The following TICAM1 variants were observed in gnomAD, a reference collection of about 807,000 sequenced individuals.
The protein encoded by TICAM1 is TIR domain containing adaptor molecule 1.
For synonymous variants in TICAM1, 439 were observed against 415.4 expected (o/e 1.06, Z -0.69); for missense variants, 895 against 938.2 (o/e 0.95, Z 0.60).
At chr19:4,824,965 C>T (rs2146178227) in intron 1 of TICAM1, among the ~76,000 whole-genome samples, 1 of 151,158 alleles carries the variant, frequency 6.6e-6, no homozygotes. Context: ...ACAGAGCCTG[C>T]TTAAGGGTGG....
chr19:4,823,055 C>T (rs1273084872), intron 1 of TICAM1, among the ~76,000 whole-genome samples: 1 of 152,206 alleles, frequency 6.6e-6, no homozygotes, highest in African/African-American at 2.4e-5. Context: ...CCTGACGGCT[C>T]ATGCCTGTAA....
In TICAM1 at chr19:4,818,641, C is replaced by G. The variant is rs532330722; in HGVS notation, c.-139-125G>C. ...GACCTAGCCAGGTGACCTTCGGCAA[C>G]ACGTCGCCTCCTTCAACTTCCATTT... On this transcript the variant is annotated intron_variant, in intron 1 of 1. Coordinates refer to ENST00000248244, the MANE Select transcript of TICAM1 (RefSeq NM_182919.4). This position sits in a 1 kb window ranked among gnomAD's most constrained non-coding sequence, Gnocchi z 4.0. The G allele has an allele frequency of 5.8e-4, 278 of 478,820 alleles. 5 individuals are homozygous for G. In the South Asian group the frequency reaches 0.011, roughly 18 times the overall value. 29.7% of individuals were successfully genotyped at this position (478,820 alleles called of 1,614,324 possible).
chr19:4,817,151 G>A lies in TICAM1; in HGVS notation c.1227C>T (p.Ala409=). The change falls in exon 2 of 2, where the codon GCC becomes GCT. Residue 409 remains alanine, a synonymous_variant. Coordinates refer to ENST00000248244, the MANE Select transcript of TICAM1 (RefSeq NM_182919.4). The surrounding 1 kb of genome is among the most constrained non-coding windows in gnomAD (Gnocchi z 4.7). ...ILHARADEHI[A]LRVREKLEAL... ...CCTCCAGCTTCTCCCGAACCCGCAG[G>A]GCGATGTGTTCGTCTGCCCTGGCGT... is the stretch of plus-strand genomic sequence containing the variant. The A allele has an allele frequency of 1.2e-6, 2 of 1,614,208 alleles. No individual in the cohort carries two copies. The highest frequency in any genetic ancestry group is 1.7e-6 in the Non-Finnish European group (2 of 1,180,026).
At position 4,816,658 on chromosome 19, in the gene TICAM1, G is replaced by C. The variant is rs148925210; in HGVS notation, c.1720C>G (p.Leu574Val). ...AALNAAYSAY[L>V]QSYLSYQAQM... ...GCCTGGTAGGACAAGTAGCTCTGGA[G>C]GTAGGCTGAGTAGGCTGCGTTCAGT... Residue 574 changes from leucine to valine, a missense_variant, in exon 2 of 2, where the codon CTC (leucine) becomes GTC (valine). Transcript: ENST00000248244. The surrounding 1 kb of genome is among the most constrained non-coding windows in gnomAD (Gnocchi z 4.3). The C allele has an allele frequency of 1.6e-4, 258 of 1,614,046 alleles. No homozygotes were observed. The highest frequency in any genetic ancestry group is 2.0e-4 in the Non-Finnish European group (235 of 1,180,044).
At chr19:4,823,803 C>T (rs2093601633) in intron 1 of TICAM1, among the ~76,000 whole-genome samples, 1 of 152,140 alleles carries the variant, frequency 6.6e-6, no homozygotes, top group South Asian at 2.1e-4. Context: ...GCCTCCATAA[C>T]TGTGAGAGAA....
chr19:4,818,938 C>G lies in TICAM1; in HGVS notation c.-139-422G>C, dbSNP rs919297118. ...CAGCCTGGCCAACATGGTGAAACCC[C>G]GTTTCTACTAAAAATACAAAGAATT... is the stretch of plus-strand genomic sequence containing the variant. On this transcript the variant is annotated intron_variant, in intron 1 of 1. Transcript: ENST00000248244. The surrounding 1 kb of genome is among the most constrained non-coding windows in gnomAD (Gnocchi z 4.0). Among the ~76,000 whole-genome samples the G allele has an allele frequency of 6.6e-6, 1 of 151,994 alleles. No individual in the cohort carries two copies.
Position 4,818,378 on chromosome 19 carries a change from G to A in TICAM1, c.-1C>T. The A allele has an allele frequency of 6.3e-7, 1 of 1,581,954 alleles. No individual in the cohort carries two copies. The highest frequency in any genetic ancestry group is 8.6e-7 in the Non-Finnish European group (1 of 1,163,964). On this transcript the variant is annotated 5_prime_UTR_variant, in exon 2 of 2. Coordinates refer to ENST00000248244, the MANE Select transcript of TICAM1 (RefSeq NM_182919.4). This position sits in a 1 kb window ranked among gnomAD's most constrained non-coding sequence, Gnocchi z 4.0. ...GAAGTGATGGGCCTGTGCAGGCCAT[G>A]GGCACAGGTGGGTGCAGCCTCCGGC... is the stretch of plus-strand genomic sequence containing the variant.
chr19:4,826,784 T>A (rs1046060891), intron 1 of TICAM1, among the ~76,000 whole-genome samples: 1 of 152,102 alleles, frequency 6.6e-6, no homozygotes, highest in African/African-American at 2.4e-5. Context: ...TACAGCTGGA[T>A]TGGAACCCAG....
chr19:4,827,867 C>A (rs1012912356), intron 1 of TICAM1, among the ~76,000 whole-genome samples: 1 of 152,084 alleles, frequency 6.6e-6, no homozygotes, highest in African/African-American at 2.4e-5. Flanking sequence ...CCCCACCCCC[C>A]GTTAAGTTCG....
Position 4,817,168 on chromosome 19 carries a change from C to T in TICAM1, c.1210G>A (p.Ala404Thr), listed in dbSNP as rs754569139. ...ACCCGCAGGGCGATGTGTTCGTCTG[C>T]CCTGGCGTGGAGGATCACAAAGTTA... ...FYNFVILHAR[A>T]DEHIALRVRE... is the part of the protein sequence containing the mutation. The change falls in exon 2 of 2, where the codon GCA (alanine) becomes ACA (threonine). Residue 404 changes from alanine to threonine, a missense_variant. By Grantham distance (58) the Ala-to-Thr change is moderately conservative (BLOSUM62 0). Transcript: ENST00000248244. The surrounding 1 kb of genome is among the most constrained non-coding windows in gnomAD (Gnocchi z 4.7). The T allele has an allele frequency of 1.2e-6, 2 of 1,614,170 alleles. No homozygotes were observed. The highest frequency in any genetic ancestry group is 1.7e-6 in the Non-Finnish European group (2 of 1,180,036).
intron 1 of TICAM1, among the ~76,000 whole-genome samples, chr19:4,826,767 T>C (rs1394504901): frequency 6.6e-6 from 1 of 152,106 alleles, no homozygotes; most frequent in African/African-American, 2.4e-5. Flanking sequence ...ACACAGCTCA[T>C]AAGGGATACA....
Position 4,816,075 on chromosome 19 carries a change from C to G in TICAM1, c.*164G>C. 1 of 1,113,740 alleles carries G rather than the reference C, an allele frequency of 9.0e-7. No individual in the cohort carries two copies. Among genetic ancestry groups the G allele is most frequent in the Non-Finnish European group, 1.1e-6 (1 of 870,800 alleles). The allele number at this position is 1,113,740 out of a possible 1,614,324, so 69.0% of individuals were successfully genotyped here. ...CTGAAAGCCAGGGCATCATCGCGCC[C>G]GTTTTGTCCTAAATGAAGGGCTCCC... On this transcript the variant is annotated 3_prime_UTR_variant, in exon 2 of 2. Transcript: ENST00000248244. The surrounding 1 kb of genome is among the most constrained non-coding windows in gnomAD (Gnocchi z 4.3).
Position 4,816,454 on chromosome 19 carries a change from G to T in TICAM1, c.1924C>A (p.Pro642Thr). Residue 642 changes from proline (P) to threonine (T), a missense_variant, in exon 2 of 2, where the codon CCA becomes ACA. Coordinates refer to ENST00000248244, the MANE Select transcript of TICAM1 (RefSeq NM_182919.4). This position sits in a 1 kb window ranked among gnomAD's most constrained non-coding sequence, Gnocchi z 4.3. ...GCTGCTGGCTGTGGGGAGGGCGGTG[G>T]GGGGGTGCCAGCCTGCCATGCGTGC... ...PLHAWQAGTP[P>T]PPSPQPAAFP... 6.4e-7 allele frequency: 1 copy of T among 1,554,954 alleles called. No individual in the cohort carries two copies.
chr19:4,829,805 C>CT (rs539314470), intron 1 of TICAM1, among the ~76,000 whole-genome samples: 2,900 of 87,652 alleles, frequency 0.033, 130 homozygotes, highest in African/African-American at 0.058. Context: ...AATTTCATTT[C>CT]TTTTTTTTTT....
At chr19:4,830,847 G>C (rs2093612648) in intron 1 of TICAM1, among the ~76,000 whole-genome samples, 1 of 152,200 alleles carries the variant, frequency 6.6e-6, no homozygotes, top group Admixed American at 6.6e-5. Flanking sequence ...AGGAGGCTGG[G>C]TGGAGATCAG....
chr19:4,818,306 C>T lies in TICAM1; in HGVS notation c.72G>A (p.Leu24=), dbSNP rs749244272. The change falls in exon 2 of 2, where the codon TTG becomes TTA. Residue 24 remains leucine (L), a synonymous_variant. Coordinates refer to ENST00000248244, the MANE Select transcript of TICAM1 (RefSeq NM_182919.4). This position sits in a 1 kb window ranked among gnomAD's most constrained non-coding sequence, Gnocchi z 4.0. ...ILGAAGQDKL[L]YLKHKLKTPR... ...GGGTCTTCAGTTTGTGCTTCAGATA[C>T]AAGAGCTTGTCCTGGCCTGCTGCAC... 6.2e-7 allele frequency: 1 copy of T among 1,612,736 alleles called. No individual in the cohort carries two copies. Among genetic ancestry groups the T allele is most frequent in the Admixed American group, 1.7e-5 (1 of 59,986 alleles).
At chr19:4,829,805 C>CTTTTTTTTTT (rs539314470) in intron 1 of TICAM1, among the ~76,000 whole-genome samples, 5 of 87,648 alleles carry the variant, frequency 5.7e-5, no homozygotes, top group Non-Finnish European at 8.6e-5. Context: ...AATTTCATTT[C>CTTTTTTTTTT]TTTTTTTTTT....
chr19:4,816,075 C>T lies in TICAM1; in HGVS notation c.*164G>A, dbSNP rs2093584175. 1 of 1,113,736 alleles carries T rather than the reference C, an allele frequency of 9.0e-7. No homozygotes were observed. 69.0% of individuals were successfully genotyped at this position (1,113,736 alleles called of 1,614,324 possible). A position where few individuals can be genotyped will look rare whatever the true frequency, so the allele number is the denominator to read the frequency against. Reference sequence around the variant, plus strand: ...CTGAAAGCCAGGGCATCATCGCGCCCGTTTTGTCCTAAATGAAGGGCTCCC... The same window carrying T: ...CTGAAAGCCAGGGCATCATCGCGCCTGTTTTGTCCTAAATGAAGGGCTCCC... On this transcript the variant is annotated 3_prime_UTR_variant, in exon 2 of 2. Transcript: ENST00000248244. The surrounding 1 kb of genome is among the most constrained non-coding windows in gnomAD (Gnocchi z 4.3).
Position 4,816,558 on chromosome 19 carries a change from A to G in TICAM1, c.1820T>C (p.Met607Thr). Residue 607 changes from methionine (M) to threonine (T), a missense_variant, in exon 2 of 2, where the codon ATG becomes ACG. By Grantham distance (81) the Met-to-Thr change is moderately conservative. Transcript: ENST00000248244. This position sits in a 1 kb window ranked among gnomAD's most constrained non-coding sequence, Gnocchi z 4.3. ...CAGGGGCACCTGGCCCCCAAAGGGC[A>G]TTCGAGCCCCATAGGGCGCCCCAGT... The part of the protein sequence containing the change: ...FGTGAPYGAR[M>T]PFGGQVPLGA... 1 of 1,610,880 alleles carries G rather than the reference A, an allele frequency of 6.2e-7. No individual in the cohort carries two copies. The highest frequency in any genetic ancestry group is 8.5e-7 in the Non-Finnish European group (1 of 1,179,158).
Sources: gnomAD v4.1 joint callset for allele counts (sites outside exome capture counted in the v4.1 genomes callset) on GRCh38, gnomAD v4.1.1 for gene constraint, Gnocchi (gnomAD v3.1) non-coding constraint, MANE v1.5 for transcripts, NCBI Gene and HGNC (gene_info 2026-07-23, HGNC 2026-07-21) for gene names.